The following GALNT2 variants were observed in gnomAD, a reference collection of about 807,000 sequenced individuals.
The protein encoded by GALNT2 is UDP-GalNAc:polypeptide N-acetylgalactosaminyltransferase 2.
A neutral mutation model predicts 81.4 loss-of-function variants in GALNT2; 31 were observed. The ratio of observed to expected loss-of-function variants is 0.38; its 90% CI spans 0.29 to 0.51. The LOEUF is 0.51. Among genes scored for constraint, GALNT2 ranks in the 20% least tolerant of loss-of-function variants. The probability of loss-of-function intolerance (pLI) is 0.87; values close to 1 mark genes in which losing one functional copy is unlikely to be tolerated. For synonymous variants in GALNT2, 303 were observed against 287.4 expected, an observed-to-expected ratio of 1.05 and a Z score of -0.55; for missense variants, 629 against 765.7, an observed-to-expected ratio of 0.82 and a Z score of 2.11.
In GALNT2 at chr1:230,280,314, G is replaced by A. The variant is rs544179933; in HGVS notation, c.*856G>A. ...CTCGGCCCCGGCATCCCTGTTGGGC[G>A]TCAGCCTGAGAGTCCCTACTGTGCG... is the stretch of plus-strand genomic sequence containing the variant. On this transcript the variant is annotated 3_prime_UTR_variant, in exon 16 of 16. Coordinates refer to ENST00000366672, the MANE Select transcript of GALNT2 (RefSeq NM_004481.5). 1.0e-4 allele frequency: 31 copies of A among 298,236 alleles called. No individual in the cohort carries two copies. The highest frequency in any genetic ancestry group is 3.2e-4 in the Admixed American group (8 of 24,880). 18.5% of individuals were successfully genotyped at this position (298,236 alleles called of 1,614,324 possible). A position where few individuals can be genotyped will look rare whatever the true frequency, so the allele number is the denominator to read the frequency against.
chr1:230,141,838 G>T, intron 1 of GALNT2, among the ~76,000 whole-genome samples: 1 of 132,216 alleles, frequency 7.6e-6, no homozygotes, highest in Admixed American at 9.3e-5. Flanking sequence ...TATTGTCCAG[G>T]CTGAAGTGCG....
At chr1:230,186,902 A>G (rs544774938) in intron 2 of GALNT2, among the ~76,000 whole-genome samples, 2 of 152,366 alleles carry the variant, frequency 1.3e-5, no homozygotes, top group African/African-American at 4.8e-5. Context: ...CAACATACAC[A>G]TAATTTTTTT....
chr1:230,085,104 G>A (rs993539197), intron 1 of GALNT2, among the ~76,000 whole-genome samples: 2 of 152,138 alleles, frequency 1.3e-5, no homozygotes, highest in African/African-American at 2.4e-5. Flanking sequence ...TCAGTTGTTT[G>A]TAAGCAATCT....
At chr1:230,231,462 C>T (rs1201109239) in intron 3 of GALNT2, among the ~76,000 whole-genome samples, 1 of 152,188 alleles carries the variant, frequency 6.6e-6, no homozygotes, top group Non-Finnish European at 1.5e-5. Context: ...TTCCTCCCAA[C>T]ACCGTGAAAC....
Position 230,243,451 on chromosome 1 carries a change from G to A in GALNT2, c.729+24G>A. On this transcript the variant is annotated intron_variant, in intron 7 of 15. Transcript: ENST00000366672. This position sits in a 1 kb window ranked among gnomAD's most constrained non-coding sequence, Gnocchi z 4.2. ...AGGTGAGATGACGGGGGCTGGGAGG[G>A]GTGTCAGGTCGTGGGTGGTTGGTAG... 1 of 1,607,384 alleles carries A rather than the reference G, an allele frequency of 6.2e-7. No individual in the cohort carries two copies. The highest frequency in any genetic ancestry group is 8.5e-7 in the Non-Finnish European group (1 of 1,179,334).
At chr1:230,091,122 A>G (rs1468859034) in intron 1 of GALNT2, among the ~76,000 whole-genome samples, 1 of 151,668 alleles carries the variant, frequency 6.6e-6, no homozygotes, top group Non-Finnish European at 1.5e-5. Flanking sequence ...AGGCTGGAGT[A>G]CAGTGGCACG....
chr1:230,085,644 G>A (rs1659876417), intron 1 of GALNT2, among the ~76,000 whole-genome samples: 2 of 152,200 alleles, frequency 1.3e-5, no homozygotes, highest in Non-Finnish European at 2.9e-5. Flanking sequence ...CTGGAAAATG[G>A]TTCTGAATGT....
chr1:230,063,780 T>C (rs1659103907), upstream of GALNT2, among the ~76,000 whole-genome samples: 1 of 152,248 alleles, frequency 6.6e-6, no homozygotes, highest in East Asian at 1.9e-4. Context: ...TAATGCTTTT[T>C]GGCCTACTCT....
intron 3 of GALNT2, among the ~76,000 whole-genome samples, chr1:230,203,696 GAAATGTTCT>G (rs1468024479): frequency 2.6e-5 from 4 of 152,202 alleles, no homozygotes; most frequent in African/African-American, 9.7e-5. Flanking sequence ...GCTTATATTG[GAAATGTTCT>G]AAAGATTAGA....
chr1:230,189,138 A>T (rs1351803471), intron 2 of GALNT2, among the ~76,000 whole-genome samples: 2 of 152,044 alleles, frequency 1.3e-5, no homozygotes, highest in Non-Finnish European at 2.9e-5. Flanking sequence ...TTTGGAGCAG[A>T]TTTTCTCTTT....
chr1:230,246,741 C>T lies in GALNT2; in HGVS notation c.817+591C>T, dbSNP rs970252796. ...TGCCTACATCACCCTGGTCCCCTTCCGTTGGAATGACCACACCAGTTTCCT... is the reference window on the plus strand; with the variant it reads ...TGCCTACATCACCCTGGTCCCCTTCTGTTGGAATGACCACACCAGTTTCCT... On this transcript the variant is annotated intron_variant, in intron 8 of 15. Transcript: ENST00000366672. Among the ~76,000 whole-genome samples the T allele has an allele frequency of 7.9e-5, 12 of 152,136 alleles. No homozygotes were observed. The East Asian group carries it at 1.2e-3, about 15-fold the overall frequency.
chr1:230,074,680 G>T (rs1406572280), intron 1 of GALNT2, among the ~76,000 whole-genome samples: 2 of 152,210 alleles, frequency 1.3e-5, no homozygotes, highest in Non-Finnish European at 2.9e-5. Flanking sequence ...GAACCACTGT[G>T]GGGAGGGCTA....
intron 13 of GALNT2, chr1:230,263,334 G>T (rs931897987): frequency 1.6e-5 from 5 of 303,996 alleles, no homozygotes; most frequent in Admixed American, 8.9e-5. Context: ...CAGGCTCTTC[G>T]AGTGACCAGG....
chr1:230,203,400 G>A, intron 3 of GALNT2, 110 bp downstream of exon 3: 2 of 1,301,468 alleles, frequency 1.5e-6, no homozygotes, highest in Non-Finnish European at 2.2e-6. Flanking sequence ...GAAATTGAAT[G>A]TGTGTTGTAA....
chr1:230,059,567 T>A (rs186265103), intron 1 of GALNT2, among the ~76,000 whole-genome samples: 6 of 152,344 alleles, frequency 3.9e-5, no homozygotes, highest in Non-Finnish European at 7.4e-5. Context: ...GTAGTATCTT[T>A]TAGACGCTTG....
At chr1:230,229,805 C>T (rs547422699) in intron 3 of GALNT2, among the ~76,000 whole-genome samples, 2 of 152,284 alleles carry the variant, frequency 1.3e-5, no homozygotes, top group South Asian at 4.1e-4. Context: ...ACAGTGCCAT[C>T]CCTGCAAACT....
At chr1:230,160,723 AC>A (rs200933185) in intron 1 of GALNT2, among the ~76,000 whole-genome samples, 122 of 149,812 alleles carry the variant, frequency 8.1e-4, no homozygotes, top group African/African-American at 1.2e-3. Context: ...AAAAAAAAAA[AC>A]ACGAAACTTT....
Position 230,279,708 on chromosome 1 carries a change from C to T in GALNT2, c.*250C>T. On this transcript the variant is annotated 3_prime_UTR_variant, in exon 16 of 16. Transcript: ENST00000366672. The surrounding 1 kb of genome is among the most constrained non-coding windows in gnomAD (Gnocchi z 4.6). ...CCCCCTTCCCCAGGCCGGAGCGCCC[C>T]TCTTCCTTCCAGCTTTCACTTCTGC... 1 of 559,552 alleles carries T rather than the reference C, an allele frequency of 1.8e-6. No individual in the cohort carries two copies. Among genetic ancestry groups the T allele is most frequent in the South Asian group, 1.8e-5 (1 of 55,158 alleles). The allele number at this position is 559,552 out of a possible 1,614,324, so 34.7% of individuals were successfully genotyped here.
At chr1:230,137,138 G>C (rs11807861) in intron 1 of GALNT2, among the ~76,000 whole-genome samples, 23,272 of 152,260 alleles carry the variant, frequency 0.15, 1,881 homozygotes, top group Non-Finnish European at 0.17. Flanking sequence ...ACCCCCGCCT[G>C]CACCCAATAA....
Sources: allele counts gnomAD v4.1 joint callset (sites outside exome capture counted in the v4.1 genomes callset), GRCh38; gene constraint gnomAD v4.1.1; non-coding constraint Gnocchi (gnomAD v3.1); transcripts MANE v1.5; gene names NCBI Gene and HGNC (gene_info 2026-07-23, HGNC 2026-07-21).